The following STK3 variants were observed in gnomAD, a reference collection of about 807,000 sequenced individuals.
The protein encoded by STK3 is serine/threonine-protein kinase 3.
Under a neutral mutation model 58.0 loss-of-function variants are expected in STK3, and 41 were observed. The observed-to-expected ratio is 0.71, with a 90% CI of 0.55 to 0.92. The LOEUF is 0.92. Ranked by LOEUF, STK3 falls within the 40% of genes least tolerant of loss-of-function variation. The pLI is 0.00. For synonymous variants in STK3, 170 were observed against 191.0 expected, an observed-to-expected ratio of 0.89 and a Z score of 0.91; for missense variants, 479 against 602.7, an observed-to-expected ratio of 0.79 and a Z score of 2.15.
intron 6 of STK3, among the ~76,000 whole-genome samples, chr8:98,668,988 C>CTTTTTTT (rs35407432): frequency 2.4e-4 from 27 of 111,100 alleles, no homozygotes; most frequent in Admixed American, 3.3e-4. Context: ...TTAATCTTGT[C>CTTTTTTT]TTTTTTTTTT....
At chr8:98,937,490 A>G (rs1156986379) in intron 1 of STK3, among the ~76,000 whole-genome samples, 1 of 152,268 alleles carries the variant, frequency 6.6e-6, no homozygotes, top group South Asian at 2.1e-4. Flanking sequence ...AATGTTTTAA[A>G]GATTGCCATT....
intron 4 of STK3, among the ~76,000 whole-genome samples, chr8:98,714,471 A>T (rs1048678152): frequency 1.3e-5 from 2 of 152,202 alleles, no homozygotes; most frequent in Non-Finnish European, 2.9e-5. Context: ...AATCATAAGC[A>T]TTTTTATACA....
intron 2 of STK3, among the ~76,000 whole-genome samples, chr8:98,372,759 T>C (rs1251864204): frequency 6.6e-6 from 1 of 152,206 alleles, no homozygotes; most frequent in African/African-American, 2.4e-5. Flanking sequence ...CAGAGCAGGA[T>C]AATGAGAAGA....
At chr8:98,796,953 G>C (rs780987327) in intron 1 of STK3, among the ~76,000 whole-genome samples, 1 of 152,078 alleles carries the variant, frequency 6.6e-6, no homozygotes, top group African/African-American at 2.4e-5. Flanking sequence ...TCAGGCCTCG[G>C]ATTTCTGGAC....
intron 3 of STK3, among the ~76,000 whole-genome samples, chr8:98,422,695 C>A (rs1818187493): frequency 6.6e-6 from 1 of 152,186 alleles, no homozygotes; most frequent in Admixed American, 6.5e-5. Flanking sequence ...GCAGGCCCTG[C>A]CCTAAGACCT....
intron 4 of STK3, among the ~76,000 whole-genome samples, chr8:98,708,566 C>T (rs192362508): frequency 7.2e-5 from 11 of 152,162 alleles, no homozygotes; most frequent in East Asian, 3.9e-4. Context: ...GAGGAAGAGA[C>T]GGATGGGAAA....
intron 1 of STK3, among the ~76,000 whole-genome samples, chr8:98,799,573 A>G (rs961670410): frequency 1.3e-5 from 2 of 152,164 alleles, no homozygotes; most frequent in Non-Finnish European, 2.9e-5. Context: ...ATGTCTACCT[A>G]TATCTGCCTC....
the STK3 span, among the ~76,000 whole-genome samples, chr8:98,364,464 C>A: frequency 1.3e-5 from 2 of 152,210 alleles, no homozygotes; most frequent in Non-Finnish European, 2.9e-5. Context: ...TCCCCGGAGG[C>A]TGAGTAAGAG....
chr8:98,440,493 A>G (rs1390530990), intron 1 of STK3, among the ~76,000 whole-genome samples: 1 of 152,180 alleles, frequency 6.6e-6, no homozygotes, highest in Admixed American at 6.5e-5. Context: ...TGTGCCCAGT[A>G]AACAATAGTT....
intron 1 of STK3, among the ~76,000 whole-genome samples, chr8:98,802,403 T>C (rs1379336758): frequency 6.6e-6 from 1 of 152,160 alleles, no homozygotes. Context: ...TAGAGATGCA[T>C]GCTACAAGTT....
At chr8:98,915,432 C>CTA (rs56187203) in intron 1 of STK3, among the ~76,000 whole-genome samples, 970 of 94,564 alleles carry the variant, frequency 0.01, 32 homozygotes, top group Non-Finnish European at 0.014. Flanking sequence ...ATAAACTTTC[C>CTA]TATATATATA....
the STK3 span, among the ~76,000 whole-genome samples, chr8:98,355,144 C>A: frequency 6.6e-5 from 10 of 152,274 alleles, no homozygotes; most frequent in Admixed American, 2.0e-4. Context: ...AGGTAATTAA[C>A]CTCTGTGGTA....
intron 6 of STK3, among the ~76,000 whole-genome samples, chr8:98,607,845 T>A (rs1816894402): frequency 6.6e-6 from 1 of 152,198 alleles, no homozygotes; most frequent in African/African-American, 2.4e-5. Flanking sequence ...AAGCTTTCAG[T>A]TGAAAAGTCA....
chr8:98,932,197 AG>A lies in STK3; in HGVS notation c.-79+10180del, dbSNP rs370351235. 4.9e-3 allele frequency among the ~76,000 whole-genome samples: 741 copies of A among 152,368 alleles called. 6 individuals carry two copies. Among genetic ancestry groups the A allele is most frequent in the African/African-American group, 0.015 (610 of 41,576 alleles). ...GCCAATGAAAGGGGAAAAAAAAATAAGAGAAAATACTATGAGTAGGAAAACA... is the reference window on the plus strand; with the variant it reads ...GCCAATGAAAGGGGAAAAAAAAATAAAGAAAATACTATGAGTAGGAAAACA... On this transcript the variant is annotated intron_variant, in intron 1 of 1. Transcript: ENST00000519420.
chr8:98,623,178 G>A (rs983156965), intron 6 of STK3, among the ~76,000 whole-genome samples: 2 of 151,144 alleles, frequency 1.3e-5, no homozygotes, highest in Middle Eastern at 3.2e-3. Flanking sequence ...AAGATGAGAA[G>A]GAGGAGAAAA....
At chr8:98,864,922 G>C (rs996991931) in intron 3 of STK3, among the ~76,000 whole-genome samples, 3 of 152,152 alleles carry the variant, frequency 2.0e-5, no homozygotes, top group African/African-American at 7.2e-5. Flanking sequence ...AGAAAGAAGA[G>C]GTAGAAAAAG....
intron 6 of STK3, among the ~76,000 whole-genome samples, chr8:98,635,992 AT>A (rs1288595263): frequency 6.6e-6 from 1 of 151,986 alleles, no homozygotes; most frequent in Non-Finnish European, 1.5e-5. Flanking sequence ...TACATTACCT[AT>A]TTTTTTATGC....
chr8:98,935,022 C>G (rs74774449), intron 1 of STK3, among the ~76,000 whole-genome samples: 2 of 152,224 alleles, frequency 1.3e-5, no homozygotes, highest in East Asian at 3.8e-4. Flanking sequence ...CTCCCTATAT[C>G]CATTCTCCTT....
At chr8:98,480,348 T>C (rs1279861501) in intron 10 of STK3, among the ~76,000 whole-genome samples, 1 of 152,180 alleles carries the variant, frequency 6.6e-6, no homozygotes, top group African/African-American at 2.4e-5. Flanking sequence ...GACTTCTCTT[T>C]AGAAAATATG....
Sources: gnomAD v4.1 joint callset for allele counts (sites outside exome capture counted in the v4.1 genomes callset) on GRCh38, gnomAD v4.1.1 for gene constraint, MANE v1.5 for transcripts, NCBI Gene and HGNC (gene_info 2026-07-23, HGNC 2026-07-21) for gene names.